SHISA6: variants seen among roughly 807,000 people sequenced by gnomAD.
The protein encoded by SHISA6 is shisa family member 6.
A neutral mutation model predicts 47.9 loss-of-function variants in SHISA6; 22 were observed. That is an observed-to-expected ratio of 0.46 (90% CI 0.33 to 0.66). The LOEUF (loss-of-function observed/expected upper bound fraction) is 0.66, where lower values mean the gene tolerates loss of function less well. Ranked by LOEUF, SHISA6 falls within the 30% of genes least tolerant of loss-of-function variation. SHISA6 has a pLI of 0.02. For synonymous variants in SHISA6, 388 were observed against 337.8 expected, an observed-to-expected ratio of 1.15 and a Z score of -1.63; for missense variants, 680 against 764.6, an observed-to-expected ratio of 0.89 and a Z score of 1.30.
intron 2 of SHISA6, among the ~76,000 whole-genome samples, chr17:11,301,629 A>G (rs1205100129): frequency 6.6e-6 from 1 of 152,180 alleles, no homozygotes; most frequent in African/African-American, 2.4e-5. Flanking sequence ...TCCTCCAGCC[A>G]GAGGCAGCTT....
At chr17:11,324,914 C>T (rs570711707) in intron 2 of SHISA6, among the ~76,000 whole-genome samples, 1 of 152,272 alleles carries the variant, frequency 6.6e-6, no homozygotes, top group East Asian at 1.9e-4. Flanking sequence ...TCTCCAATCA[C>T]CTGCCTATCT....
chr17:11,502,121 A>G (rs1405530425), intron 3 of SHISA6, among the ~76,000 whole-genome samples: 1 of 152,200 alleles, frequency 6.6e-6, no homozygotes, highest in Admixed American at 6.5e-5. Context: ...GGTTAAGACT[A>G]AAAACAGGCC....
intron 5 of SHISA6, 76 bp from the exon 6 acceptor site, chr17:11,557,678 C>A: frequency 2.2e-6 from 3 of 1,379,186 alleles, no homozygotes; most frequent in Non-Finnish European, 2.9e-6. Context: ...GGAGCAGGAG[C>A]GGGGCAGGGT....
chr17:11,554,079 G>C (rs2071954106), intron 4 of SHISA6, among the ~76,000 whole-genome samples: 1 of 152,174 alleles, frequency 6.6e-6, no homozygotes, highest in African/African-American at 2.4e-5. Context: ...TGGGTGAGCT[G>C]AGTGATGCCT....
chr17:11,558,541 A>G lies in SHISA6; in HGVS notation c.*237A>G. 1.7e-6 allele frequency: 1 copy of G among 572,846 alleles called. No individual in the cohort carries two copies. The highest frequency in any genetic ancestry group is 2.1e-5 in the South Asian group (1 of 46,944). 35.5% of individuals were successfully genotyped at this position (572,846 alleles called of 1,614,324 possible). A position where few individuals can be genotyped will look rare whatever the true frequency, so the allele number is the denominator to read the frequency against. ...TCGCTCTTGCTCCTCCAGAAGAATCAGTGGGGAGTGAGGAGGGGGCTAGGC... is the reference window on the plus strand; with the variant it reads ...TCGCTCTTGCTCCTCCAGAAGAATCGGTGGGGAGTGAGGAGGGGGCTAGGC... On this transcript the variant is annotated 3_prime_UTR_variant, in exon 6 of 6. Transcript: ENST00000441885.
At chr17:11,491,692 A>G (rs992837394) in intron 3 of SHISA6, among the ~76,000 whole-genome samples, 13 of 151,870 alleles carry the variant, frequency 8.6e-5, no homozygotes, top group South Asian at 4.2e-4. Flanking sequence ...GGCCATATGC[A>G]TAGGGACTTA....
In SHISA6 at chr17:11,374,149, T is replaced by C. The variant is rs148655528; in HGVS notation, c.800-5265T>C. Among the ~76,000 whole-genome samples the C allele has an allele frequency of 4.5e-3, 680 of 152,328 alleles. 8 individuals carry two copies. The highest frequency in any genetic ancestry group is 0.015 in the African/African-American group (642 of 41,576). On this transcript the variant is annotated intron_variant, in intron 2 of 5. Coordinates refer to ENST00000441885, the MANE Select transcript of SHISA6 (RefSeq NM_207386.4). ...TTGAATTTCCCTATTACTTGTGAGA[T>C]TGAACACTACTTTATGTGTATTTGC...
chr17:11,435,501 A>G (rs919919059), intron 3 of SHISA6, among the ~76,000 whole-genome samples: 9 of 152,176 alleles, frequency 5.9e-5, no homozygotes, highest in Non-Finnish European at 1.2e-4. Flanking sequence ...CTAAGAGGAC[A>G]TAACTTGAAA....
intron 3 of SHISA6, among the ~76,000 whole-genome samples, chr17:11,435,067 A>G (rs760090325): frequency 2.6e-5 from 4 of 152,106 alleles, no homozygotes; most frequent in African/African-American, 4.8e-5. Flanking sequence ...TAATAATGGG[A>G]TTAGTGTCTT....
At chr17:11,477,818 A>C (rs1916093207) in intron 3 of SHISA6, among the ~76,000 whole-genome samples, 3 of 151,468 alleles carry the variant, frequency 2.0e-5, no homozygotes, top group Admixed American at 1.3e-4. Context: ...CCAGTCTATC[A>C]TTGTTGGACA....
intron 3 of SHISA6, among the ~76,000 whole-genome samples, chr17:11,523,914 G>A (rs567732832): frequency 1.3e-5 from 2 of 152,182 alleles, no homozygotes; most frequent in South Asian, 2.1e-4. Flanking sequence ...GCTGAGGCAG[G>A]AGAATCGCTT....
chr17:11,524,574 A>G (rs1403700958), intron 3 of SHISA6, among the ~76,000 whole-genome samples: 1 of 149,260 alleles, frequency 6.7e-6, no homozygotes, highest in Non-Finnish European at 1.5e-5. Flanking sequence ...TCAGCTCACC[A>G]CAACCTCTGC....
chr17:11,468,341 CTG>C (rs1915859346), intron 3 of SHISA6, among the ~76,000 whole-genome samples: 1 of 152,004 alleles, frequency 6.6e-6, no homozygotes, highest in African/African-American at 2.4e-5. Flanking sequence ...ATACAGATGG[CTG>C]TACAGAGCCA....
chr17:11,394,736 G>A lies in SHISA6; in HGVS notation c.895+15227G>A, dbSNP rs1278643536. On this transcript the variant is annotated intron_variant, in intron 3 of 5. Coordinates refer to ENST00000441885, the MANE Select transcript of SHISA6 (RefSeq NM_207386.4). ...TTCAGACATATATAAAAGAATAACG[G>A]TGCAGATAATTCCTGTATACCCTTC... 3.3e-5 allele frequency among the ~76,000 whole-genome samples: 5 copies of A among 151,320 alleles called. No individual in the cohort carries two copies. In the East Asian group the frequency reaches 9.7e-4, roughly 29 times the overall value.
intron 3 of SHISA6, among the ~76,000 whole-genome samples, chr17:11,440,674 G>A (rs935393237): frequency 8.6e-5 from 13 of 150,386 alleles, no homozygotes; most frequent in South Asian, 2.1e-4. Flanking sequence ...AAATTAAATC[G>A]GGGATAATCT....
chr17:11,421,444 T>C (rs1412830156), intron 3 of SHISA6, among the ~76,000 whole-genome samples: 1 of 152,174 alleles, frequency 6.6e-6, no homozygotes, highest in Non-Finnish European at 1.5e-5. Flanking sequence ...GGTTGTACAG[T>C]TCAAGGGCTT....
In SHISA6 at chr17:11,493,595, A is replaced by G. The variant is rs576695118; in HGVS notation, c.896-58301A>G. Among the ~76,000 whole-genome samples the G allele has an allele frequency of 2.7e-5, 4 of 148,338 alleles. No homozygotes were observed. The East Asian group carries it at 7.7e-4, about 29-fold the overall frequency. ...CGCGTGCGCGCGCACACACACACAC[A>G]CATACACACACCATCTACCAAAACC... is the stretch of plus-strand genomic sequence containing the variant. On this transcript the variant is annotated intron_variant, in intron 3 of 5. Transcript: ENST00000441885.
At chr17:11,495,641 G>A (rs1340436653) in intron 3 of SHISA6, among the ~76,000 whole-genome samples, 2 of 152,168 alleles carry the variant, frequency 1.3e-5, no homozygotes. Flanking sequence ...TCCCAGCCTG[G>A]CAGTGACATG....
intron 3 of SHISA6, among the ~76,000 whole-genome samples, chr17:11,480,750 C>T (rs758862160): frequency 3.9e-5 from 6 of 152,158 alleles, no homozygotes; most frequent in Non-Finnish European, 7.3e-5. Context: ...GATGATTAAG[C>T]TAGTTGTGTG....
Sources: gnomAD v4.1 joint callset for allele counts (sites outside exome capture counted in the v4.1 genomes callset) on GRCh38, gnomAD v4.1.1 for gene constraint, MANE v1.5 for transcripts, NCBI Gene and HGNC (gene_info 2026-07-23, HGNC 2026-07-21) for gene names.